Variants in ASXL2 observed in about 807,000 individuals in gnomAD.
ASXL2 encodes putative Polycomb group protein ASXL2.
A neutral mutation model predicts 122.0 loss-of-function variants in ASXL2; 23 were observed. That is an observed-to-expected ratio of 0.19 (90% CI 0.14 to 0.27). The LOEUF (loss-of-function observed/expected upper bound fraction) is 0.27. ASXL2 is among the 10% of genes least tolerant of loss of function. The probability of loss-of-function intolerance (pLI) is 1.00; values close to 1 mark genes in which losing one functional copy is unlikely to be tolerated. For missense variants in ASXL2, 1,518 were observed against 1,713.8 expected (o/e 0.89, Z 2.02); for synonymous variants, 650 against 637.0 (o/e 1.02, Z -0.31).
chr2:25,739,027 G>A lies in ASXL2; in HGVS notation c.*3002C>T, dbSNP rs1426562375. 1 of 152,160 alleles carries A rather than the reference G, an allele frequency of 6.6e-6. No homozygotes were observed. Among genetic ancestry groups the A allele is most frequent in the Non-Finnish European group, 1.5e-5 (1 of 68,022 alleles). 9.4% of individuals were successfully genotyped at this position (152,160 alleles called of 1,614,324 possible). ...TCCAAAATTATTTAAGATTCAGGGA[G>A]ACTTATTTACTAGACAACTTAGAAT... On this transcript the variant is annotated 3_prime_UTR_variant, in exon 13 of 13. Transcript: ENST00000435504.
chr2:25,849,930 A>T (rs1042709024), intron 1 of ASXL2, among the ~76,000 whole-genome samples: 2 of 152,202 alleles, frequency 1.3e-5, no homozygotes, highest in Admixed American at 1.3e-4. Context: ...ATGTTTTTCA[A>T]TTAAAGACTT....
At position 25,739,153 on chromosome 2, in the gene ASXL2, T is replaced by A. The variant is rs2087784708; in HGVS notation, c.*2876A>T. On this transcript the variant is annotated 3_prime_UTR_variant, in exon 13 of 13. Coordinates refer to ENST00000435504, the MANE Select transcript of ASXL2 (RefSeq NM_018263.6). ...TAGATAGGGGTGCACGGGAGGCGTA[T>A]GCATCAGGCATAATGCCTGACTAGT... 1 of 152,592 alleles carries A rather than the reference T, an allele frequency of 6.6e-6. No individual in the cohort carries two copies. Among genetic ancestry groups the A allele is most frequent in the African/African-American group, 2.4e-5 (1 of 41,446 alleles). The allele number at this position is 152,592 out of a possible 1,614,324, so 9.5% of individuals were successfully genotyped here.
chr2:25,817,614 A>G (rs190249174), intron 3 of ASXL2, among the ~76,000 whole-genome samples: 1 of 152,348 alleles, frequency 6.6e-6, no homozygotes, highest in East Asian at 1.9e-4. Context: ...GAAATATACA[A>G]ATAAACTATT....
At chr2:25,817,284 G>A (rs1047794936) in intron 3 of ASXL2, among the ~76,000 whole-genome samples, 2 of 152,146 alleles carry the variant, frequency 1.3e-5, no homozygotes, top group Admixed American at 6.5e-5. Flanking sequence ...TTGCAATTAG[G>A]TAACATATAA....
At chr2:25,752,969 G>GT (rs2088070819) in intron 11 of ASXL2, among the ~76,000 whole-genome samples, 1 of 146,120 alleles carries the variant, frequency 6.8e-6, no homozygotes, top group Admixed American at 6.8e-5. Flanking sequence ...TTTTAGAAAT[G>GT]TATTTTTTTT....
rs1320080539 is a variant in ASXL2 at position 25,738,080 on chromosome 2, T to TC, written c.*3948dup. The TC allele has an allele frequency of 6.6e-6, 1 of 152,186 alleles. No homozygotes were observed. The highest frequency in any genetic ancestry group is 1.5e-5 in the Non-Finnish European group (1 of 68,020). The allele number at this position is 152,186 out of a possible 1,614,324, so 9.4% of individuals were successfully genotyped here. ...TAATCTGAGTGTCTTTAGAGTAACT[T>TC]CCTTTGAAATAATTTGTGCCTTAAC... is the stretch of plus-strand genomic sequence containing the variant. On this transcript the variant is annotated 3_prime_UTR_variant, in exon 13 of 13. Transcript: ENST00000435504.
chr2:25,858,813 T>G (rs1462536434), intron 1 of ASXL2, among the ~76,000 whole-genome samples: 1 of 131,248 alleles, frequency 7.6e-6, no homozygotes, highest in Non-Finnish European at 1.6e-5. Flanking sequence ...AGAAATCTAA[T>G]TTTTTTTTTT....
Position 25,744,617 on chromosome 2 carries a change from G to T in ASXL2, c.1861-141C>A. 1 of 970,964 alleles carries T rather than the reference G, an allele frequency of 1.0e-6. No homozygotes were observed. Among genetic ancestry groups the T allele is most frequent in the Non-Finnish European group, 1.5e-6 (1 of 682,044 alleles). 60.1% of individuals were successfully genotyped at this position (970,964 alleles called of 1,614,324 possible). A position where few individuals can be genotyped will look rare whatever the true frequency, so the allele number is the denominator to read the frequency against. ...AACATGGGTGGTCTATGGCCGAGAGGCCAAACCTTGGAGACAGCAATACTA... is the reference window on the plus strand; with the variant it reads ...AACATGGGTGGTCTATGGCCGAGAGTCCAAACCTTGGAGACAGCAATACTA... On this transcript the variant is annotated intron_variant, in intron 12 of 12. Transcript: ENST00000435504. The surrounding 1 kb of genome is among the most constrained non-coding windows in gnomAD (Gnocchi z 4.7).
Position 25,845,346 on chromosome 2 carries a change from A to G in ASXL2, c.140+135T>C, listed in dbSNP as rs1222405344. On this transcript the variant is annotated intron_variant, in intron 2 of 12. Transcript: ENST00000435504. ...CTATGTAATGACTTAAAAAATGCCA[A>G]AGATCTGACATCTGATCAGAACAAA... is the stretch of plus-strand genomic sequence containing the variant. 6 of 1,376,290 alleles carry G rather than the reference A, an allele frequency of 4.4e-6. No individual in the cohort carries two copies. The African/African-American group carries it at 8.8e-5, about 20-fold the overall frequency. The allele number at this position is 1,376,290 out of a possible 1,614,324, so 85.3% of individuals were successfully genotyped here. A position where few individuals can be genotyped will look rare whatever the true frequency, so the allele number is the denominator to read the frequency against.
At chr2:25,870,414 T>C (rs2089954183) in intron 1 of ASXL2, among the ~76,000 whole-genome samples, 1 of 152,064 alleles carries the variant, frequency 6.6e-6, no homozygotes, top group South Asian at 2.1e-4. Context: ...TCCCAGCTAC[T>C]CGGGAGGACT....
In ASXL2 at chr2:25,815,968, C is replaced by G. The variant is rs541522686; in HGVS notation, c.144-9631G>C. Reference sequence around the variant, plus strand: ...CAGGTAAACCACTCTCTTCTGTTAACGAGAAAAGATTACCCTTATGCATCA... The same window carrying G: ...CAGGTAAACCACTCTCTTCTGTTAAGGAGAAAAGATTACCCTTATGCATCA... On this transcript the variant is annotated intron_variant, in intron 3 of 12. Coordinates refer to ENST00000435504, the MANE Select transcript of ASXL2 (RefSeq NM_018263.6). Among the ~76,000 whole-genome samples, 4 of 152,228 alleles carry G rather than the reference C, an allele frequency of 2.6e-5. No individual in the cohort carries two copies. In the South Asian group the frequency reaches 8.3e-4, roughly 32 times the overall value.
chr2:25,856,917 T>C, intron 1 of ASXL2: 1 of 651,968 alleles, frequency 1.5e-6, no homozygotes, highest in Non-Finnish European at 2.8e-6. Flanking sequence ...AGGTGGCAGC[T>C]GGGACAGTGT....
chr2:25,872,497 T>C (rs1465976874), intron 1 of ASXL2, among the ~76,000 whole-genome samples: 1 of 151,974 alleles, frequency 6.6e-6, no homozygotes, highest in South Asian at 2.1e-4. Context: ...AAGTGAAAAC[T>C]AATAAGGTCA....
intron 4 of ASXL2, among the ~76,000 whole-genome samples, chr2:25,800,607 C>T (rs1349295149): frequency 6.6e-6 from 1 of 152,160 alleles, no homozygotes; most frequent in African/African-American, 2.4e-5. Context: ...ATAACTACGT[C>T]AGCTTAGCAT....
At chr2:25,844,721 C>A (rs1269866227) in intron 2 of ASXL2, among the ~76,000 whole-genome samples, 1 of 151,868 alleles carries the variant, frequency 6.6e-6, no homozygotes, top group Non-Finnish European at 1.5e-5. Context: ...CTTCTTAGCA[C>A]TCTGCAGCCT....
intron 3 of ASXL2, among the ~76,000 whole-genome samples, chr2:25,830,297 G>A (rs10168718): frequency 0.32 from 48,822 of 152,108 alleles, 8,380 homozygotes; most frequent in African/African-American, 0.41. Context: ...AAGACAATTA[G>A]AGGACACCAA....
chr2:25,864,922 C>A (rs1266299508), intron 1 of ASXL2, among the ~76,000 whole-genome samples: 1 of 151,774 alleles, frequency 6.6e-6, no homozygotes, highest in African/African-American at 2.4e-5. Context: ...ATCTCCACCT[C>A]CTGGATTCGA....
At chr2:25,785,963 C>T (rs34531368) in intron 5 of ASXL2, among the ~76,000 whole-genome samples, 1 of 152,118 alleles carries the variant, frequency 6.6e-6, no homozygotes, top group African/African-American at 2.4e-5. Flanking sequence ...GCAGGCAAAC[C>T]TTAGAGTTAA....
chr2:25,808,086 T>C (rs547899124), intron 3 of ASXL2, among the ~76,000 whole-genome samples: 2 of 151,056 alleles, frequency 1.3e-5, no homozygotes, highest in South Asian at 2.1e-4. Flanking sequence ...TTTACTTGGG[T>C]ATATGGGGGG....
Sources: gnomAD v4.1 joint callset for allele counts (sites outside exome capture counted in the v4.1 genomes callset) on GRCh38, gnomAD v4.1.1 for gene constraint, Gnocchi (gnomAD v3.1) non-coding constraint, MANE v1.5 for transcripts, NCBI Gene and HGNC (gene_info 2026-07-23, HGNC 2026-07-21) for gene names.